The following IGF1R variants were observed in gnomAD, a reference collection of about 807,000 sequenced individuals.
The protein encoded by IGF1R is insulin-like growth factor 1 receptor.
In IGF1R, 44 loss-of-function variants were observed where a neutral mutation model predicts 144.6. That is an observed-to-expected ratio of 0.30 (90% CI 0.24 to 0.39). IGF1R has a LOEUF of 0.39. Ranked by LOEUF, IGF1R falls within the 10% of genes least tolerant of loss-of-function variation. The pLI is 1.00. For synonymous variants in IGF1R, 795 were observed against 722.8 expected (o/e 1.10, Z -1.60); for missense variants, 1,355 against 1,833.7 (o/e 0.74, Z 4.77).
rs1375174945 is a variant in IGF1R, at chr15:98,961,364, G to A, written c.*3922G>A. 1 of 233,412 alleles carries A rather than the reference G, an allele frequency of 4.3e-6. No individual in the cohort carries two copies. The highest frequency in any genetic ancestry group is 2.2e-5 in the African/African-American group (1 of 45,352). 14.5% of individuals were successfully genotyped at this position (233,412 alleles called of 1,614,324 possible). On this transcript the variant is annotated 3_prime_UTR_variant, in exon 21 of 21. Transcript: ENST00000650285. ...AGCTTTTAAGTAGAAAACACTAACA[G>A]TGTAGTGCCCATCATAGCAAATGCT...
chr15:98,730,389 C>G (rs143295187), intron 2 of IGF1R, among the ~76,000 whole-genome samples: 228 of 152,300 alleles, frequency 1.5e-3, no homozygotes, highest in Admixed American at 4.1e-3. Context: ...ATACTTTCTT[C>G]TATTCTAATG....
chr15:98,690,340 CA>C, intron 1 of IGF1R, among the ~76,000 whole-genome samples: 1 of 152,212 alleles, frequency 6.6e-6, no homozygotes, highest in Middle Eastern at 3.4e-3. Flanking sequence ...AAGACTATCC[CA>C]AAACAAAAAC....
At chr15:98,690,771 C>G (rs1325083710) in intron 1 of IGF1R, among the ~76,000 whole-genome samples, 1 of 152,194 alleles carries the variant, frequency 6.6e-6, no homozygotes, top group Admixed American at 6.5e-5. Context: ...CAGCATGTCT[C>G]CTTCCAGGCA....
intron 13 of IGF1R, among the ~76,000 whole-genome samples, chr15:98,927,878 A>G (rs986387651): frequency 3.3e-5 from 5 of 152,204 alleles, no homozygotes; most frequent in African/African-American, 1.2e-4. Flanking sequence ...TTCCAGGCCC[A>G]TTTCCACATA....
At chr15:98,864,278 A>G (rs576615143) in intron 2 of IGF1R, among the ~76,000 whole-genome samples, 6 of 152,332 alleles carry the variant, frequency 3.9e-5, no homozygotes, top group African/African-American at 1.2e-4. Context: ...AACATTACCA[A>G]CATGGCAAAC....
At position 98,962,924 on chromosome 15, in the gene IGF1R, G is replaced by A. The variant is rs777124935; in HGVS notation, c.*5482G>A. The A allele has an allele frequency of 4.3e-5, 10 of 233,542 alleles. No individual in the cohort carries two copies. Among genetic ancestry groups the A allele is most frequent in the South Asian group, 1.8e-4 (1 of 5,520 alleles). 14.5% of individuals were successfully genotyped at this position (233,542 alleles called of 1,614,324 possible). A position where few individuals can be genotyped will look rare whatever the true frequency, so the allele number is the denominator to read the frequency against. On this transcript the variant is annotated 3_prime_UTR_variant, in exon 21 of 21. Coordinates refer to ENST00000650285, the MANE Select transcript of IGF1R (RefSeq NM_000875.5). ...CATGACTTTAGCGTTTTGTTTCTGC[G>A]AGAACATAACGATCACTCATTTTTA...
intron 6 of IGF1R, among the ~76,000 whole-genome samples, chr15:98,909,677 C>T (rs541885550): frequency 3.3e-5 from 5 of 152,364 alleles, no homozygotes; most frequent in African/African-American, 1.2e-4. Flanking sequence ...AGCGCAGCCC[C>T]TGTGGGCCAC....
intron 1 of IGF1R, among the ~76,000 whole-genome samples, chr15:98,702,258 A>G (rs74032533): frequency 1.3e-5 from 2 of 152,104 alleles, no homozygotes; most frequent in African/African-American, 2.4e-5. Flanking sequence ...TAGAGCAGAC[A>G]TTCTGCCTCT....
Position 98,959,013 on chromosome 15 carries a change from C to T in IGF1R, c.*1571C>T, listed in dbSNP as rs773215731. On this transcript the variant is annotated 3_prime_UTR_variant, in exon 21 of 21. Transcript: ENST00000650285. ...CCGGGCACCCATCCTGAGAGGGCCG[C>T]GCTCCTCTCCCCAGCCTGCCCTCAC... The T allele has an allele frequency of 1.3e-4, 30 of 233,214 alleles. No homozygotes were observed. Among genetic ancestry groups the T allele is most frequent in the South Asian group, 5.4e-4 (3 of 5,520 alleles). The allele number at this position is 233,214 out of a possible 1,614,324, so 14.4% of individuals were successfully genotyped here.
chr15:98,823,980 T>C (rs2097074183), intron 2 of IGF1R, among the ~76,000 whole-genome samples: 1 of 152,230 alleles, frequency 6.6e-6, no homozygotes, highest in South Asian at 2.1e-4. Context: ...TTGTTTCTTA[T>C]ACTCAGTCAT....
intron 2 of IGF1R, among the ~76,000 whole-genome samples, chr15:98,842,679 A>T (rs968582224): frequency 5.9e-5 from 9 of 152,240 alleles, no homozygotes; most frequent in African/African-American, 2.2e-4. Context: ...GCAAAGAAAG[A>T]CAAAGATCCT....
intron 1 of IGF1R, among the ~76,000 whole-genome samples, chr15:98,678,524 TTG>T (rs2053105597): frequency 6.6e-6 from 1 of 151,870 alleles, no homozygotes; most frequent in Non-Finnish European, 1.5e-5. Flanking sequence ...ATAGTTTTTG[TTG>T]TGTTTCTTTT....
intron 5 of IGF1R, among the ~76,000 whole-genome samples, chr15:98,903,214 C>G (rs1182658572): frequency 6.6e-6 from 1 of 152,146 alleles, no homozygotes; most frequent in Admixed American, 6.6e-5. Context: ...TCTGGAAAAT[C>G]CCCTTGTTTG....
chr15:98,813,335 T>C (rs2056632017), intron 2 of IGF1R, among the ~76,000 whole-genome samples: 1 of 152,146 alleles, frequency 6.6e-6, no homozygotes, highest in African/African-American at 2.4e-5. Context: ...TGGGATTTCA[T>C]ACTCCAGGCC....
In IGF1R at chr15:98,836,296, A is replaced by G. The variant is rs949205633; in HGVS notation, c.641-55029A>G. Among the ~76,000 whole-genome samples the G allele has an allele frequency of 3.9e-5, 6 of 152,076 alleles. No individual in the cohort carries two copies. The East Asian group carries it at 9.6e-4, about 24-fold the overall frequency. On this transcript the variant is annotated intron_variant, in intron 2 of 20. Coordinates refer to ENST00000650285, the MANE Select transcript of IGF1R (RefSeq NM_000875.5). ...ACCTATAATCCCAGTGCTCTGGGAA[A>G]CCAAGACAAATCTCTTAAAGCCAGG...
At chr15:98,772,336 T>C (rs945697243) in intron 2 of IGF1R, among the ~76,000 whole-genome samples, 1 of 151,996 alleles carries the variant, frequency 6.6e-6, no homozygotes, top group East Asian at 1.9e-4. Flanking sequence ...ATTTTTGATA[T>C]ACTGTTGTTT....
intron 2 of IGF1R, among the ~76,000 whole-genome samples, chr15:98,713,040 T>C (rs1365510368): frequency 1.3e-5 from 2 of 151,550 alleles, no homozygotes; most frequent in Non-Finnish European, 2.9e-5. Context: ...CATGCCACAC[T>C]CCATGTGCCA....
chr15:98,699,592 A>G (rs2053676651), intron 1 of IGF1R, among the ~76,000 whole-genome samples: 1 of 152,204 alleles, frequency 6.6e-6, no homozygotes, highest in African/African-American at 2.4e-5. Context: ...CTGTTTGGCT[A>G]CAGATGCTTT....
At chr15:98,749,713 T>G (rs905442363) in intron 2 of IGF1R, among the ~76,000 whole-genome samples, 3 of 152,240 alleles carry the variant, frequency 2.0e-5, no homozygotes, top group African/African-American at 7.2e-5. Flanking sequence ...TCTGTAATCC[T>G]ATCATCCCAT....
Sources: gnomAD v4.1 joint callset for allele counts (sites outside exome capture counted in the v4.1 genomes callset) on GRCh38, gnomAD v4.1.1 for gene constraint, MANE v1.5 for transcripts, NCBI Gene and HGNC (gene_info 2026-07-23, HGNC 2026-07-21) for gene names.